The following PLPPR5 variants were observed in gnomAD, a reference collection of about 807,000 sequenced individuals.
PLPPR5 encodes the protein phospholipid phosphatase-related protein type 5.
PLPPR5 carries 16 observed loss-of-function variants against 33.9 expected under a neutral mutation model. That is an observed-to-expected ratio of 0.47 (90% CI 0.32 to 0.72). PLPPR5 has a LOEUF of 0.72. Ranked by LOEUF, PLPPR5 falls within the 30% of genes least tolerant of loss-of-function variation. The probability of loss-of-function intolerance (pLI) is 0.03; values close to 1 mark genes in which losing one functional copy is unlikely to be tolerated. For missense variants in PLPPR5, 301 were observed against 406.7 expected (o/e 0.74, Z 2.23); for synonymous variants, 163 against 150.3 (o/e 1.08, Z -0.62).
chr1:98,969,681 T>C (rs1651587109), intron 1 of PLPPR5, among the ~76,000 whole-genome samples: 1 of 152,068 alleles, frequency 6.6e-6, no homozygotes. Flanking sequence ...GTGGGGTGGC[T>C]CTTTGCCAAT....
chr1:98,982,554 G>A (rs541233225), intron 1 of PLPPR5, among the ~76,000 whole-genome samples: 6 of 152,010 alleles, frequency 3.9e-5, no homozygotes, highest in African/African-American at 1.4e-4. Flanking sequence ...TGCTTTCTTC[G>A]GCCCTTTTCT....
At chr1:98,925,621 C>T (rs977845302) in intron 3 of PLPPR5, among the ~76,000 whole-genome samples, 1 of 152,102 alleles carries the variant, frequency 6.6e-6, no homozygotes, top group African/African-American at 2.4e-5. Flanking sequence ...AATATACATC[C>T]TTTTTTGTGT....
chr1:98,971,793 C>CTCTGT (rs1429823423), intron 1 of PLPPR5, among the ~76,000 whole-genome samples: 20 of 152,096 alleles, frequency 1.3e-4, no homozygotes, highest in Non-Finnish European at 2.4e-4. Flanking sequence ...AGCAGACTCT[C>CTCTGT]TCTGTTCTGT....
intron 1 of PLPPR5, among the ~76,000 whole-genome samples, chr1:98,973,563 T>C (rs1042052747): frequency 2.0e-5 from 3 of 151,980 alleles, no homozygotes; most frequent in Admixed American, 2.0e-4. Context: ...ATCATGTAAT[T>C]TATCATTCAA....
intron 1 of PLPPR5, among the ~76,000 whole-genome samples, chr1:98,967,413 A>T (rs776682445): frequency 6.6e-5 from 10 of 152,140 alleles, no homozygotes; most frequent in Non-Finnish European, 1.3e-4. Context: ...TTATGCATGC[A>T]TGTGCCAGTA....
intron 1 of PLPPR5, among the ~76,000 whole-genome samples, chr1:98,985,939 C>T (rs1161685573): frequency 6.6e-6 from 1 of 151,994 alleles, no homozygotes; most frequent in African/African-American, 2.4e-5. Context: ...TACAATGCAA[C>T]ATATTTTGAG....
At chr1:99,001,669 A>AAGATATATATATATATATAGATATATAT (rs1446772167) in intron 1 of PLPPR5, among the ~76,000 whole-genome samples, 1 of 64,328 alleles carries the variant, frequency 1.6e-5, no homozygotes, top group Non-Finnish European at 3.0e-5. Flanking sequence ...TTGAAAGTTA[A>AAGATATATATATATATATAGATATATAT]AGATATATAT....
At chr1:98,926,105 G>A (rs1007222791) in intron 3 of PLPPR5, among the ~76,000 whole-genome samples, 7 of 152,012 alleles carry the variant, frequency 4.6e-5, no homozygotes, top group African/African-American at 7.3e-5. Flanking sequence ...ATGATTATAC[G>A]TATTCTTTTA....
chr1:98,980,534 T>A (rs944326404), intron 1 of PLPPR5, among the ~76,000 whole-genome samples: 2 of 152,132 alleles, frequency 1.3e-5, no homozygotes, highest in Non-Finnish European at 2.9e-5. Context: ...GCACATTTAA[T>A]CCTTAATAGT....
rs59686592 is a variant in PLPPR5, at chr1:99,003,056, CATATATATATATATATATATAT to C, written c.237+1357_237+1378del. On this transcript the variant is annotated intron_variant, in intron 1 of 5. Coordinates refer to ENST00000263177, the MANE Select transcript of PLPPR5 (RefSeq NM_001037317.2). The stretch of plus-strand genomic sequence containing the variant: ...TAACACATTTTAGCAACTTATTTTA[CATATATATATATATATATATAT>C]ATATATATATATATATATGTAAAAC... Among the ~76,000 whole-genome samples, 531 of 81,122 alleles carry C rather than the reference CATATATATATATATATATATAT, an allele frequency of 6.5e-3. 9 individuals are homozygous for C. The highest frequency in any genetic ancestry group is 0.026 in the South Asian group (50 of 1,958). The allele number at this position is 81,122 out of a possible 152,430, so 53.2% of individuals were successfully genotyped here. A position where few individuals can be genotyped will look rare whatever the true frequency, so the allele number is the denominator to read the frequency against.
intron 1 of PLPPR5, among the ~76,000 whole-genome samples, chr1:99,000,130 G>C (rs1182003077): frequency 6.6e-6 from 1 of 152,164 alleles, no homozygotes; most frequent in South Asian, 2.1e-4. Flanking sequence ...ATCTGTACAA[G>C]CAATGTCCAG....
chr1:98,960,050 G>A (rs1429410791), intron 1 of PLPPR5, among the ~76,000 whole-genome samples: 2 of 151,832 alleles, frequency 1.3e-5, no homozygotes, highest in Non-Finnish European at 2.9e-5. Flanking sequence ...TCCTCCAAGG[G>A]TATGTCTAAT....
chr1:98,945,952 A>G (rs115728475), intron 3 of PLPPR5, among the ~76,000 whole-genome samples: 1,921 of 151,984 alleles, frequency 0.013, 38 homozygotes, highest in African/African-American at 0.044. Context: ...TCCAATCTGT[A>G]CTCACCCTGC....
chr1:98,954,879 T>C (rs1256860171), intron 2 of PLPPR5, among the ~76,000 whole-genome samples: 1 of 152,148 alleles, frequency 6.6e-6, no homozygotes, highest in Non-Finnish European at 1.5e-5. Flanking sequence ...CTAGGCTGTT[T>C]GGTGTAACGG....
At chr1:98,901,831 A>C (rs1203352066) in intron 5 of PLPPR5, among the ~76,000 whole-genome samples, 1 of 152,052 alleles carries the variant, frequency 6.6e-6, no homozygotes, top group African/African-American at 2.4e-5. Flanking sequence ...TTTAAGGAAC[A>C]TTTACCTTAG....
intron 3 of PLPPR5, among the ~76,000 whole-genome samples, chr1:98,927,481 A>G (rs1392447697): frequency 3.9e-5 from 6 of 152,184 alleles, no homozygotes; most frequent in Non-Finnish European, 7.3e-5. Context: ...CACAGGAAGT[A>G]AAGATCCTTT....
At chr1:98,894,517 T>C (rs1234602658) in intron 5 of PLPPR5, among the ~76,000 whole-genome samples, 1 of 152,060 alleles carries the variant, frequency 6.6e-6, no homozygotes, top group African/African-American at 2.4e-5. Flanking sequence ...GTCATGAACA[T>C]CACACTTCTT....
chr1:98,908,347 G>GATTTATTTATACCATATCTAGTCAAAA lies in PLPPR5; in HGVS notation c.933+6438_933+6439insTTTTGACTAGATATGGTATAAATAAAT, dbSNP rs1557664810. Among the ~76,000 whole-genome samples the GATTTATTTATACCATATCTAGTCAAAA allele has an allele frequency of 4.6e-5, 7 of 152,206 alleles. No homozygotes were observed. The South Asian group carries it at 1.5e-3, about 32-fold the overall frequency. Reference sequence around the variant, plus strand: ...AAATTTACTGTAGTTTTCACTCTTGGTGACACAGCTATAAAGATATTAATT... The same window carrying GATTTATTTATACCATATCTAGTCAAAA: ...AAATTTACTGTAGTTTTCACTCTTGGATTTATTTATACCATATCTAGTCAAAATGACACAGCTATAAAGATATTAATT... On this transcript the variant is annotated intron_variant, in intron 5 of 5. Transcript: ENST00000263177.
intron 1 of PLPPR5, among the ~76,000 whole-genome samples, chr1:98,998,107 AAG>A (rs1652691692): frequency 6.6e-6 from 1 of 152,266 alleles, no homozygotes; most frequent in South Asian, 2.1e-4. Flanking sequence ...AAGAGGAATG[AAG>A]AGAGAAAGGG....
Sources: allele counts gnomAD v4.1 joint callset (sites outside exome capture counted in the v4.1 genomes callset), GRCh38; gene constraint gnomAD v4.1.1; transcripts MANE v1.5; gene names NCBI Gene and HGNC (gene_info 2026-07-23, HGNC 2026-07-21).